The following LRRC4C variants were observed in gnomAD, a reference collection of about 807,000 sequenced individuals.
LRRC4C encodes leucine-rich repeat-containing protein 4C.
Under a neutral mutation model 33.6 loss-of-function variants are expected in LRRC4C, and 5 were observed. That is an observed-to-expected ratio of 0.15 (90% CI 0.08 to 0.31). The LOEUF is 0.31. Among genes scored for constraint, LRRC4C ranks in the 10% least tolerant of loss-of-function variants. The pLI, the probability that LRRC4C is intolerant of heterozygous loss-of-function variation, is 1.00. For missense variants in LRRC4C, 560 were observed against 796.7 expected, an observed-to-expected ratio of 0.70 and a Z score of 3.58; for synonymous variants, 329 against 302.0, an observed-to-expected ratio of 1.09 and a Z score of -0.93.
chr11:41,279,683 C>T (rs994056870), intron 1 of LRRC4C, among the ~76,000 whole-genome samples: 10 of 152,106 alleles, frequency 6.6e-5, no homozygotes, highest in African/African-American at 1.4e-4. Flanking sequence ...GGGAAGCAGA[C>T]CTAGGTCATT....
Position 41,398,246 on chromosome 11 carries a change from C to G in LRRC4C, c.-496+61185G>C, listed in dbSNP as rs938206349. ...GTCTTGGCCCAGATTCTCAAAGCCA[C>G]CCAAACAGCATTTTGCACACTTTTT... is the stretch of plus-strand genomic sequence containing the variant. On this transcript the variant is annotated intron_variant, in intron 1 of 6. Coordinates refer to ENST00000528697, the MANE Select transcript of LRRC4C (RefSeq NM_001258419.2). Among the ~76,000 whole-genome samples the G allele has an allele frequency of 3.3e-5, 5 of 151,926 alleles. No individual in the cohort carries two copies. The East Asian group carries it at 9.7e-4, about 29-fold the overall frequency.
chr11:40,865,217 G>A (rs1398747499), intron 2 of LRRC4C, among the ~76,000 whole-genome samples: 1 of 152,034 alleles, frequency 6.6e-6, no homozygotes, highest in East Asian at 1.9e-4. Context: ...ACCCATATGT[G>A]CAAACTAAAA....
chr11:40,399,516 C>T (rs186225179), intron 3 of LRRC4C, among the ~76,000 whole-genome samples: 2,464 of 151,680 alleles, frequency 0.016, 25 homozygotes, highest in Middle Eastern at 0.044. Flanking sequence ...GGGAACATCA[C>T]ACTCCGGGGA....
At chr11:40,881,299 A>AT (rs1280705127) in intron 2 of LRRC4C, among the ~76,000 whole-genome samples, 1 of 152,114 alleles carries the variant, frequency 6.6e-6, no homozygotes, top group Non-Finnish European at 1.5e-5. Context: ...AACAGCATAC[A>AT]TTTTTTGTTG....
intron 4 of LRRC4C, among the ~76,000 whole-genome samples, chr11:40,257,496 C>A (rs1198494128): frequency 3.9e-5 from 6 of 152,136 alleles, no homozygotes; most frequent in African/African-American, 7.2e-5. Context: ...TGTCTTCCCT[C>A]CTCCATGTGG....
At chr11:41,436,118 G>C (rs1955417983) in intron 1 of LRRC4C, among the ~76,000 whole-genome samples, 1 of 152,108 alleles carries the variant, frequency 6.6e-6, no homozygotes, top group Admixed American at 6.6e-5. Flanking sequence ...GCAGGAGAAT[G>C]GCTTGAACCC....
At chr11:41,339,906 C>T (rs926998380) in intron 1 of LRRC4C, among the ~76,000 whole-genome samples, 1 of 152,102 alleles carries the variant, frequency 6.6e-6, no homozygotes, top group African/African-American at 2.4e-5. Context: ...TGCTAGTCTC[C>T]AGCCTCAGTG....
intron 1 of LRRC4C, among the ~76,000 whole-genome samples, chr11:41,077,548 G>A (rs896517281): frequency 1.3e-5 from 2 of 152,184 alleles, no homozygotes; most frequent in Non-Finnish European, 2.9e-5. Context: ...AGCTGGAGTG[G>A]CTGAGATGGA....
Position 40,568,051 on chromosome 11 carries a change from G to A in LRRC4C, c.-270+80091C>T, listed in dbSNP as rs574058952. ...AAATCTTTGCTTTTGTAAAATCCCC[G>A]CCCCTTCAGTGTGGGCTGGACCTCA... is the stretch of plus-strand genomic sequence containing the variant. On this transcript the variant is annotated intron_variant, in intron 3 of 6. Coordinates refer to ENST00000528697, the MANE Select transcript of LRRC4C (RefSeq NM_001258419.2). Among the ~76,000 whole-genome samples, 170 of 152,204 alleles carry A rather than the reference G, an allele frequency of 1.1e-3. 1 individual carries two copies. The highest frequency in any genetic ancestry group is 1.7e-3 in the Non-Finnish European group (116 of 67,996).
At chr11:40,199,870 C>A (rs1862562947) in intron 5 of LRRC4C, among the ~76,000 whole-genome samples, 1 of 152,054 alleles carries the variant, frequency 6.6e-6, no homozygotes, top group South Asian at 2.1e-4. Flanking sequence ...TTAAACCTCA[C>A]AAGAATCCTG....
chr11:40,357,282 T>C (rs1947713701), intron 3 of LRRC4C, among the ~76,000 whole-genome samples: 1 of 152,166 alleles, frequency 6.6e-6, no homozygotes, highest in South Asian at 2.1e-4. Context: ...TCTTTACTTT[T>C]CAGTGTGTTT....
At chr11:40,506,640 TG>T (rs138545086) in intron 3 of LRRC4C, among the ~76,000 whole-genome samples, 14,165 of 151,744 alleles carry the variant, frequency 0.093, 793 homozygotes, top group Middle Eastern at 0.15. Flanking sequence ...TATTCTCATC[TG>T]AAAAAAAAAT....
At chr11:40,434,891 G>A (rs1951084066) in intron 3 of LRRC4C, among the ~76,000 whole-genome samples, 1 of 152,132 alleles carries the variant, frequency 6.6e-6, no homozygotes, top group African/African-American at 2.4e-5. Context: ...ATGATGAATA[G>A]AGCTTGACTG....
intron 5 of LRRC4C, among the ~76,000 whole-genome samples, chr11:40,211,410 T>C (rs1340174445): frequency 6.6e-6 from 1 of 152,132 alleles, no homozygotes; most frequent in Non-Finnish European, 1.5e-5. Flanking sequence ...AAAACTTGAA[T>C]AAAACTAAAA....
At chr11:40,272,887 T>G (rs1483024382) in intron 4 of LRRC4C, among the ~76,000 whole-genome samples, 2 of 152,202 alleles carry the variant, frequency 1.3e-5, no homozygotes, top group South Asian at 2.1e-4. Context: ...TAATTAGTTC[T>G]TTTAGTTATA....
intron 1 of LRRC4C, among the ~76,000 whole-genome samples, chr11:41,273,743 T>C (rs1479424969): frequency 2.0e-5 from 3 of 152,138 alleles, no homozygotes; most frequent in South Asian, 2.1e-4. Context: ...ATGTTAACCA[T>C]TTTTACCACA....
chr11:40,803,171 C>T (rs1433474996), intron 2 of LRRC4C, among the ~76,000 whole-genome samples: 1 of 152,100 alleles, frequency 6.6e-6, no homozygotes, highest in Non-Finnish European at 1.5e-5. Flanking sequence ...TGAAAACAGG[C>T]TACATATATT....
At chr11:40,729,185 G>A (rs76551587) in intron 2 of LRRC4C, among the ~76,000 whole-genome samples, 55 of 152,232 alleles carry the variant, frequency 3.6e-4, no homozygotes, top group Non-Finnish European at 7.1e-4. Context: ...TGCATGTTCA[G>A]TTGGTTCCAG....
chr11:40,953,535 C>A (rs1958813473), intron 1 of LRRC4C, among the ~76,000 whole-genome samples: 2 of 151,762 alleles, frequency 1.3e-5, no homozygotes, highest in Non-Finnish European at 1.5e-5. Flanking sequence ...AAGCATATTA[C>A]CCTGATTAAA....
Sources: allele counts gnomAD v4.1 joint callset (sites outside exome capture counted in the v4.1 genomes callset), GRCh38; gene constraint gnomAD v4.1.1; transcripts MANE v1.5; gene names NCBI Gene and HGNC (gene_info 2026-07-23, HGNC 2026-07-21).